DMD: variants seen among roughly 807,000 people sequenced by gnomAD.
DMD encodes the protein dystrophin, also known as mutant dystrophin.
Under a neutral mutation model 330.1 loss-of-function variants are expected in DMD, and 63 were observed. That is an observed-to-expected ratio of 0.19 (90% CI 0.16 to 0.24). The LOEUF is 0.24. DMD is among the 10% of genes least tolerant of loss of function. The pLI, the probability that DMD is intolerant of heterozygous loss-of-function variation, is 1.00. For synonymous variants in DMD, 1,223 were observed against 959.8 expected (o/e 1.27, Z -5.07); for missense variants, 3,344 against 2,684.1 (o/e 1.25, Z -5.43).
intron 2 of DMD, among the ~76,000 whole-genome samples, chrX:32,850,197 G>A (rs897377128): frequency 1.8e-5 from 2 of 111,505 alleles, no homozygotes; most frequent in African/African-American, 3.3e-5. Flanking sequence ...ACCTGGGTGG[G>A]TACATAAAGT....
At chrX:32,188,134 A>C (rs2096955980) in intron 44 of DMD, among the ~76,000 whole-genome samples, 1 of 110,730 alleles carries the variant, frequency 9.0e-6, no homozygotes, top group East Asian at 2.8e-4. Context: ...TATTATGCTT[A>C]TAGGTCATTT....
At chrX:33,065,592 ATTG>A (rs2094642359) in intron 1 of DMD, among the ~76,000 whole-genome samples, 4 of 92,231 alleles carry the variant, frequency 4.3e-5, no homozygotes, top group Non-Finnish European at 8.6e-5. Flanking sequence ...CGGTCTCACA[ATTG>A]GCTTTTCATT....
intron 44 of DMD, among the ~76,000 whole-genome samples, chrX:32,165,851 T>C (rs1437444590): frequency 9.0e-6 from 1 of 111,090 alleles, no homozygotes; most frequent in Non-Finnish European, 1.9e-5. Flanking sequence ...GTTCTCATGA[T>C]AGTGAGTGAA....
At chrX:32,276,907 G>A (rs781193546) in intron 43 of DMD, among the ~76,000 whole-genome samples, 2 of 109,697 alleles carry the variant, frequency 1.8e-5, no homozygotes, top group Non-Finnish European at 3.8e-5. Flanking sequence ...GCAACAGAGT[G>A]AGATGCTGTC....
intron 43 of DMD, among the ~76,000 whole-genome samples, chrX:32,222,053 C>A (rs1473323655): frequency 1.8e-5 from 2 of 111,667 alleles, no homozygotes; most frequent in African/African-American, 6.5e-5. Context: ...TAAACATATG[C>A]GTGCAAGTGT....
At chrX:31,898,564 A>G (rs1028825995) in intron 47 of DMD, among the ~76,000 whole-genome samples, 2 of 112,049 alleles carry the variant, frequency 1.8e-5, no homozygotes, top group Non-Finnish European at 3.8e-5. Flanking sequence ...TTGGCTAGCC[A>G]TACGTAGAAA....
intron 44 of DMD, among the ~76,000 whole-genome samples, chrX:31,975,270 G>T (rs1335870716): frequency 9.0e-6 from 1 of 111,714 alleles, no homozygotes; most frequent in African/African-American, 3.2e-5. Flanking sequence ...AAAGGCATTT[G>T]AATTGGTGGC....
At chrX:32,616,422 A>T (rs921954650) in intron 11 of DMD, among the ~76,000 whole-genome samples, 6 of 110,981 alleles carry the variant, frequency 5.4e-5, no homozygotes, top group African/African-American at 2.0e-4. Context: ...TTTACATAGC[A>T]TGGACTCATG....
intron 44 of DMD, among the ~76,000 whole-genome samples, chrX:32,178,667 T>C (rs2096914628): frequency 9.0e-6 from 1 of 111,447 alleles, no homozygotes; most frequent in Non-Finnish European, 1.9e-5. Flanking sequence ...TATCTGTATA[T>C]ATTTGACCTT....
intron 59 of DMD, among the ~76,000 whole-genome samples, chrX:31,447,625 C>T (rs1250293073): frequency 9.0e-6 from 1 of 110,915 alleles, no homozygotes; most frequent in Non-Finnish European, 1.9e-5. Flanking sequence ...AGGCCAAATA[C>T]TCTGGAGAGT....
chrX:31,189,526 T>A (rs747254449), intron 67 of DMD, among the ~76,000 whole-genome samples: 1 of 111,517 alleles, frequency 9.0e-6, no homozygotes, highest in East Asian at 2.8e-4. Context: ...TTTTCAAGGG[T>A]CAACTCTATA....
intron 2 of DMD, among the ~76,000 whole-genome samples, chrX:32,982,167 C>A (rs923069871): frequency 9.0e-6 from 1 of 111,514 alleles, no homozygotes; most frequent in African/African-American, 3.3e-5. Flanking sequence ...ATTAAAGGAG[C>A]TAACTGTTGA....
At position 32,389,595 on chromosome X, in the gene DMD, T is replaced by G. The variant is rs1301925090; in HGVS notation, c.4424A>C (p.Lys1475Thr). The G allele has an allele frequency of 8.3e-7, 1 of 1,211,057 alleles. No homozygotes were observed. Among genetic ancestry groups the G allele is most frequent in the Admixed American group, 2.2e-5 (1 of 45,984 alleles). ...CATCTTCACTTCATCTAAAATCATC[T>G]TACTTTCTTGTAGACGCTGCTCAAA... is the stretch of plus-strand genomic sequence containing the variant. ...ANFEQRLQESKMILDEVKMHL... is the reference protein window; with the variant it reads ...ANFEQRLQESTMILDEVKMHL... Residue 1475 changes from lysine to threonine, a missense_variant, in exon 32 of 79, where the codon AAG becomes ACG. Transcript: ENST00000357033.
At chrX:32,065,834 T>C (rs1039380502) in intron 44 of DMD, among the ~76,000 whole-genome samples, 3 of 111,825 alleles carry the variant, frequency 2.7e-5, no homozygotes, top group African/African-American at 6.5e-5. Flanking sequence ...GCACAACACG[T>C]AAGTAATAGG....
chrX:31,600,802 GTTT>G (rs530394628), intron 55 of DMD, among the ~76,000 whole-genome samples: 2 of 97,585 alleles, frequency 2.0e-5, no homozygotes, highest in South Asian at 4.6e-4. Context: ...TCTGCATGAT[GTTT>G]TTTTTTTTTT....
chrX:32,666,267 G>A (rs1405318932), intron 9 of DMD, among the ~76,000 whole-genome samples: 2 of 110,427 alleles, frequency 1.8e-5, no homozygotes, highest in Non-Finnish European at 3.8e-5. Context: ...ATATACATGT[G>A]CTATAGTGGT....
intron 44 of DMD, among the ~76,000 whole-genome samples, chrX:32,085,722 A>G (rs2096434153): frequency 9.4e-6 from 1 of 106,180 alleles, no homozygotes; most frequent in African/African-American, 3.5e-5. Flanking sequence ...ATATATACAC[A>G]TACACTGATA....
At chrX:31,228,286 A>T (rs2046868211) in intron 63 of DMD, among the ~76,000 whole-genome samples, 1 of 109,865 alleles carries the variant, frequency 9.1e-6, no homozygotes, top group African/African-American at 3.3e-5. Context: ...AAAAAAAAAA[A>T]AAAAAGAAAG....
chrX:32,572,299 A>C (rs1224695247), intron 15 of DMD, among the ~76,000 whole-genome samples: 1 of 111,840 alleles, frequency 8.9e-6, no homozygotes, highest in Non-Finnish European at 1.9e-5. Flanking sequence ...TGAGTGGAAA[A>C]ATTTACTTAA....
Sources: gnomAD v4.1 joint callset for allele counts (sites outside exome capture counted in the v4.1 genomes callset) on GRCh38, gnomAD v4.1.1 for gene constraint, MANE v1.5 for transcripts, NCBI Gene and HGNC (gene_info 2026-07-23, HGNC 2026-07-21) for gene names.